The following RFC4 variants were observed in gnomAD, a reference collection of about 807,000 sequenced individuals.
RFC4 encodes the protein replication factor C subunit 4.
RFC4 carries 38 observed loss-of-function variants against 47.6 expected under a neutral mutation model. That is an observed-to-expected ratio of 0.80 (90% CI 0.62 to 1.05). The LOEUF is 1.05. Ranked by LOEUF, RFC4 falls within the 50% of genes least tolerant of loss-of-function variation. RFC4 has a pLI of 0.00. For synonymous variants in RFC4, 164 were observed against 150.0 expected (o/e 1.09, Z -0.68); for missense variants, 489 against 434.0 (o/e 1.13, Z -1.13).
chr3:186,793,076 C>T lies in RFC4; in HGVS notation c.411-129G>A, dbSNP rs1387496268. 1 of 796,520 alleles carries T rather than the reference C, an allele frequency of 1.3e-6. No individual in the cohort carries two copies. Among genetic ancestry groups the T allele is most frequent in the East Asian group, 2.8e-5 (1 of 35,382 alleles). 49.3% of individuals were successfully genotyped at this position (796,520 alleles called of 1,614,324 possible). ...ACAATTCAGTGTTTTTCTGTATGTTCACAAAGTTGTGCAACCATTACCACA... is the reference window on the plus strand; with the variant it reads ...ACAATTCAGTGTTTTTCTGTATGTTTACAAAGTTGTGCAACCATTACCACA... On this transcript the variant is annotated intron_variant, in intron 5 of 10. Coordinates refer to ENST00000296273, the MANE Select transcript of RFC4 (RefSeq NM_002916.5). This position sits in a 1 kb window ranked among gnomAD's most constrained non-coding sequence, Gnocchi z 4.2.
intron 4 of RFC4, 94 bp from the exon 5 acceptor site, chr3:186,794,871 C>A: frequency 7.4e-7 from 1 of 1,358,476 alleles, no homozygotes; most frequent in Non-Finnish European, 1.0e-6. Context: ...TTAAAATCCA[C>A]CTAGTAAACA....
Position 186,792,553 on chromosome 3 carries a change from A to T in RFC4, c.612T>A (p.Asp204Glu). Residue 204 changes from aspartate to glutamate, a missense_variant, in exon 7 of 11, where the codon GAT becomes GAA. By Grantham distance (45) the Asp-to-Glu change is conservative. Coordinates refer to ENST00000296273, the MANE Select transcript of RFC4 (RefSeq NM_002916.5). ...CSKFRFKPLS[D>E]KIQQQRLLDI... ...CTAGTAATCGCTGCTGTTGAATTTT[A>T]TCTGACAGAGGCTTGAAGCGGAATT... 6.2e-7 allele frequency: 1 copy of T among 1,613,838 alleles called. No homozygotes were observed. Among genetic ancestry groups the T allele is most frequent in the Non-Finnish European group, 8.5e-7 (1 of 1,179,754 alleles).
At chr3:186,797,661 A>G (rs1029105450) in intron 3 of RFC4, 47 bp from the exon 4 acceptor site, 2 of 1,330,274 alleles carry the variant, frequency 1.5e-6, no homozygotes, top group East Asian at 2.3e-5. Flanking sequence ...TCTGGCACAA[A>G]TAGATGAAAA....
chr3:186,803,799 T>C (rs1167854993), intron 2 of RFC4, among the ~76,000 whole-genome samples: 4 of 151,752 alleles, frequency 2.6e-5, no homozygotes, highest in Non-Finnish European at 4.4e-5. Context: ...TACAGGATTA[T>C]AGGCATGAGC....
intron 3 of RFC4, among the ~76,000 whole-genome samples, chr3:186,798,419 A>G (rs992339984): frequency 6.6e-6 from 1 of 152,170 alleles, no homozygotes; most frequent in Non-Finnish European, 1.5e-5. Context: ...TACACAGGAA[A>G]CTAGGCATTA....
rs1722031592 is a variant in RFC4 at position 186,790,058 on chromosome 3, C to T, written c.1003G>A (p.Asp335Asn). Residue 335 changes from aspartate (D) to asparagine (N), a missense_variant, in exon 11 of 11, where the codon GAC (aspartate) becomes AAC (asparagine). Transcript: ENST00000296273. ...SIITEKLAEV[D>N]KCLADGADEH... is the part of the protein sequence containing the mutation. ...TCAGCACCATCTGCTAGGCATTTGT[C>T]AACTTCCTACGAGAAAAATTTAAGA... 3 of 1,613,344 alleles carry T rather than the reference C, an allele frequency of 1.9e-6. No homozygotes were observed. The highest frequency in any genetic ancestry group is 2.5e-6 in the Non-Finnish European group (3 of 1,179,422).
intron 2 of RFC4, among the ~76,000 whole-genome samples, chr3:186,802,347 G>T (rs746703176): frequency 6.6e-6 from 1 of 151,934 alleles, no homozygotes; most frequent in Non-Finnish European, 1.5e-5. Flanking sequence ...AAAAAGCATT[G>T]TTCCACTTTG....
At chr3:186,799,626 T>C (rs148417460) in intron 3 of RFC4, among the ~76,000 whole-genome samples, 2,391 of 152,124 alleles carry the variant, frequency 0.016, 56 homozygotes, top group African/African-American at 0.053. Flanking sequence ...GGTGGGAGGA[T>C]CACTTGAGCC....
chr3:186,796,196 C>T lies in RFC4; in HGVS notation c.290+1339G>A, dbSNP rs1489660803. Among the ~76,000 whole-genome samples, 1 of 118,890 alleles carries T rather than the reference C, an allele frequency of 8.4e-6. No individual in the cohort carries two copies. The allele number at this position is 118,890 out of a possible 152,430, so 78.0% of individuals were successfully genotyped here. On this transcript the variant is annotated intron_variant, in intron 4 of 10. Transcript: ENST00000296273. The surrounding 1 kb of genome is among the most constrained non-coding windows in gnomAD (Gnocchi z 4.2). ...AAGCCACAATATTAAATATGAAATT[C>T]ACTGTTAAAGTAAGTTCTTTAAAGA...
rs562143097 is a variant in RFC4 at position 186,800,276 on chromosome 3, C to T, written c.210+841G>A. ...CCGGCCAAAAAGGTATAAGAGTATG[C>T]GAGTCAAATCAAAACACATACTGGT... On this transcript the variant is annotated intron_variant, in intron 3 of 10. Coordinates refer to ENST00000296273, the MANE Select transcript of RFC4 (RefSeq NM_002916.5). Among the ~76,000 whole-genome samples, 8 of 152,064 alleles carry T rather than the reference C, an allele frequency of 5.3e-5. No homozygotes were observed. In the East Asian group the frequency reaches 1.4e-3, roughly 26 times the overall value.
In RFC4 at chr3:186,796,258, A is replaced by C. The variant is rs1402464211; in HGVS notation, c.290+1277T>G. ...TCATAAAGGATATAGAAAAAGTTGT[A>C]TAATCTGGACTGACCTACTCTAAGT... On this transcript the variant is annotated intron_variant, in intron 4 of 10. Coordinates refer to ENST00000296273, the MANE Select transcript of RFC4 (RefSeq NM_002916.5). The surrounding 1 kb of genome is among the most constrained non-coding windows in gnomAD (Gnocchi z 4.2). Among the ~76,000 whole-genome samples the C allele has an allele frequency of 2.0e-5, 3 of 152,258 alleles. No homozygotes were observed. Among genetic ancestry groups the C allele is most frequent in the Non-Finnish European group, 4.4e-5 (3 of 68,038 alleles).
chr3:186,802,263 T>G (rs566802160), intron 2 of RFC4, among the ~76,000 whole-genome samples: 12 of 151,904 alleles, frequency 7.9e-5, no homozygotes, highest in East Asian at 7.7e-4. Flanking sequence ...GAGGCAGAAG[T>G]TGCAGTGAGC....
chr3:186,798,651 G>A (rs1040893075), intron 3 of RFC4, among the ~76,000 whole-genome samples: 2 of 152,056 alleles, frequency 1.3e-5, no homozygotes, highest in Admixed American at 6.6e-5. Flanking sequence ...CTAACAGCTT[G>A]GCACTTTCTG....
intron 1 of RFC4, among the ~76,000 whole-genome samples, chr3:186,805,098 C>G (rs1464965772): frequency 6.6e-6 from 1 of 152,234 alleles, no homozygotes. Context: ...GTTTCTTTCA[C>G]AGTCATGGGC....
At chr3:186,801,625 G>A (rs530667734) in intron 2 of RFC4, among the ~76,000 whole-genome samples, 36 of 148,446 alleles carry the variant, frequency 2.4e-4, no homozygotes, top group Non-Finnish European at 4.9e-4. Flanking sequence ...GCAGGAGAAC[G>A]GCACGAACCT....
chr3:186,804,954 C>A, intron 1 of RFC4: 1 of 364,072 alleles, frequency 2.7e-6, no homozygotes, highest in Non-Finnish European at 4.9e-6. Flanking sequence ...GGTCAAAGTC[C>A]CTAACGAACT....
rs1722163356 is a variant in RFC4 at position 186,792,554 on chromosome 3, T to C, written c.611A>G (p.Asp204Gly). 1 of 1,613,930 alleles carries C rather than the reference T, an allele frequency of 6.2e-7. No individual in the cohort carries two copies. Among genetic ancestry groups the C allele is most frequent in the East Asian group, 2.2e-5 (1 of 44,868 alleles). The change falls in exon 7 of 11, where the codon GAT becomes GGT. Residue 204 changes from aspartate to glycine, a missense_variant. Coordinates refer to ENST00000296273, the MANE Select transcript of RFC4 (RefSeq NM_002916.5). ...CSKFRFKPLS[D>G]KIQQQRLLDI... is the part of the protein sequence containing the mutation. ...TAGTAATCGCTGCTGTTGAATTTTA[T>C]CTGACAGAGGCTTGAAGCGGAATTT...
chr3:186,794,368 AG>A (rs1395810099), intron 5 of RFC4, among the ~76,000 whole-genome samples: 2 of 152,234 alleles, frequency 1.3e-5, no homozygotes, highest in Non-Finnish European at 2.9e-5. Context: ...CATCAATTTA[AG>A]GTGCATATCA....
chr3:186,790,519 CT>C, intron 8 of RFC4, 113 bp from the exon 9 acceptor site: 1 of 778,066 alleles, frequency 1.3e-6, no homozygotes. Flanking sequence ...AAGTTCCATA[CT>C]TTCCTGGGAA....
Sources: allele counts gnomAD v4.1 joint callset (sites outside exome capture counted in the v4.1 genomes callset), GRCh38; gene constraint gnomAD v4.1.1; non-coding constraint Gnocchi (gnomAD v3.1); transcripts MANE v1.5; gene names NCBI Gene and HGNC (gene_info 2026-07-23, HGNC 2026-07-21).